The following NSUN6 variants were observed in gnomAD, a reference collection of about 807,000 sequenced individuals.
NSUN6 encodes NOP2/Sun RNA methyltransferase 6, also known as tRNA (cytosine(72)-C(5))-methyltransferase NSUN6.
NSUN6 carries 64 observed loss-of-function variants against 58.0 expected under a neutral mutation model. The ratio of observed to expected loss-of-function variants is 1.10; its 90% confidence interval spans 0.90 to 1.36. The LOEUF (loss-of-function observed/expected upper bound fraction) is 1.36. Among genes scored for constraint, NSUN6 ranks in the 40% most tolerant of loss-of-function variants. The pLI is 0.00. For synonymous variants in NSUN6, 231 were observed against 193.9 expected (o/e 1.19, Z -1.59); for missense variants, 701 against 550.1 (o/e 1.27, Z -2.74).
At chr10:18,600,349 T>G (rs764609552) in intron 6 of NSUN6, among the ~76,000 whole-genome samples, 26 of 152,126 alleles carry the variant, frequency 1.7e-4, no homozygotes, top group Non-Finnish European at 3.8e-4. Context: ...AAGAGGCCGG[T>G]TGTGGTGGCT....
At chr10:18,588,638 G>A (rs192364917) in intron 7 of NSUN6, among the ~76,000 whole-genome samples, 15 of 152,220 alleles carry the variant, frequency 9.9e-5, no homozygotes, top group African/African-American at 2.9e-4. Flanking sequence ...AGTCAAACAG[G>A]GTCTGGGGTG....
intron 3 of NSUN6, among the ~76,000 whole-genome samples, chr10:18,633,045 T>G (rs10829054): frequency 0.56 from 84,636 of 150,656 alleles, 24,351 homozygotes; most frequent in East Asian, 0.97. Flanking sequence ...AGAAAATGTG[T>G]CACATATACA....
At chr10:18,579,180 A>AT (rs1016104225) in intron 8 of NSUN6, among the ~76,000 whole-genome samples, 59 of 149,606 alleles carry the variant, frequency 3.9e-4, no homozygotes, top group African/African-American at 1.2e-3. Flanking sequence ...TTTTATTACT[A>AT]TTTTTTTTTT....
upstream of NSUN6, among the ~76,000 whole-genome samples, chr10:18,656,348 C>T (rs915778015): frequency 4.6e-5 from 7 of 152,142 alleles, no homozygotes; most frequent in African/African-American, 7.2e-5. Flanking sequence ...ACCAGCCTGA[C>T]CAACATGGTG....
intron 8 of NSUN6, among the ~76,000 whole-genome samples, chr10:18,572,527 C>A (rs968853810): frequency 3.5e-5 from 5 of 142,750 alleles, no homozygotes; most frequent in African/African-American, 1.3e-4. Context: ...ATCTCCATTC[C>A]CTATTCCATT....
In NSUN6 at chr10:18,642,765, A is replaced by G. The variant is rs190499606; in HGVS notation, c.232-210T>C. On this transcript the variant is annotated intron_variant, in intron 2 of 10. Transcript: ENST00000377304. ...AATTCTGAAGTATCCTAACTTCCTT[A>G]TAAGACTCAATTTTGCTTACTATTT... Among the ~76,000 whole-genome samples, 24 of 152,320 alleles carry G rather than the reference A, an allele frequency of 1.6e-4. 1 individual carries two copies. The East Asian group carries it at 3.7e-3, about 23-fold the overall frequency.
chr10:18,621,987 T>A (rs1369405247), intron 3 of NSUN6, among the ~76,000 whole-genome samples: 1 of 151,596 alleles, frequency 6.6e-6, no homozygotes, highest in Non-Finnish European at 1.5e-5. Flanking sequence ...ATTTCTTAAA[T>A]ATTCTATTGC....
intron 5 of NSUN6, 126 bp from the exon 6 acceptor site, chr10:18,610,052 G>T: frequency 1.5e-6 from 1 of 656,724 alleles, no homozygotes; most frequent in Non-Finnish European, 2.8e-6. Context: ...AACTATTTTG[G>T]CTCAAGCCTG....
At chr10:18,602,975 G>C (rs921245650) in intron 6 of NSUN6, among the ~76,000 whole-genome samples, 1 of 152,082 alleles carries the variant, frequency 6.6e-6, no homozygotes, top group African/African-American at 2.4e-5. Flanking sequence ...CTCTACATAA[G>C]TCCTAGCCTA....
intron 8 of NSUN6, among the ~76,000 whole-genome samples, chr10:18,555,002 T>C (rs1011696334): frequency 1.5e-4 from 22 of 144,190 alleles, no homozygotes; most frequent in African/African-American, 5.2e-4. Flanking sequence ...TAATGGAGAA[T>C]AGAATGGAAT....
At chr10:18,597,364 G>T (rs2057630969) in intron 6 of NSUN6, among the ~76,000 whole-genome samples, 1 of 152,166 alleles carries the variant, frequency 6.6e-6, no homozygotes, top group African/African-American at 2.4e-5. Context: ...TCATTATTTT[G>T]CTTAAGCTGG....
intron 8 of NSUN6, among the ~76,000 whole-genome samples, chr10:18,576,640 C>G (rs1320437811): frequency 1.3e-5 from 2 of 152,214 alleles, no homozygotes; most frequent in African/African-American, 2.4e-5. Flanking sequence ...CTTCCATCCC[C>G]CAACACTAAG....
At chr10:18,622,400 G>A (rs1425096734) in intron 3 of NSUN6, among the ~76,000 whole-genome samples, 2 of 152,158 alleles carry the variant, frequency 1.3e-5, no homozygotes, top group African/African-American at 4.8e-5. Flanking sequence ...GTACTGACAT[G>A]AGTGACAAGG....
chr10:18,572,346 A>C (rs11819185), intron 8 of NSUN6, among the ~76,000 whole-genome samples: 90,689 of 142,964 alleles, frequency 0.63, 28,263 homozygotes, highest in East Asian at 0.97. Flanking sequence ...CTCCATTCCA[A>C]TCCACATTCC....
chr10:18,642,962 T>C (rs2059432033), intron 2 of NSUN6, among the ~76,000 whole-genome samples: 1 of 152,116 alleles, frequency 6.6e-6, no homozygotes, highest in Non-Finnish European at 1.5e-5. Flanking sequence ...CTGGCATCCA[T>C]GTCAGCTTTG....
intron 3 of NSUN6, 122 bp downstream of exon 3, chr10:18,642,354 T>C (rs1232238952): frequency 3.3e-6 from 2 of 608,816 alleles, no homozygotes; most frequent in Non-Finnish European, 5.9e-6. Flanking sequence ...TTTGAATTCC[T>C]GTTATCTATA....
upstream of NSUN6, among the ~76,000 whole-genome samples, chr10:18,653,827 T>A (rs1299190631): frequency 6.6e-6 from 1 of 152,226 alleles, no homozygotes; most frequent in Non-Finnish European, 1.5e-5. Flanking sequence ...AAAACTACTC[T>A]ATGAATACAC....
At chr10:18,588,080 C>G (rs1313436576) in intron 7 of NSUN6, among the ~76,000 whole-genome samples, 1 of 152,148 alleles carries the variant, frequency 6.6e-6, no homozygotes, top group Non-Finnish European at 1.5e-5. Context: ...GATGACCGAG[C>G]TTGGTGGGCA....
intron 8 of NSUN6, among the ~76,000 whole-genome samples, chr10:18,568,760 C>T (rs1418031803): frequency 2.0e-5 from 3 of 151,208 alleles, no homozygotes; most frequent in African/African-American, 7.3e-5. Context: ...CAATACATTT[C>T]ACATTCCATT....
Sources: gnomAD v4.1 joint callset for allele counts (sites outside exome capture counted in the v4.1 genomes callset) on GRCh38, gnomAD v4.1.1 for gene constraint, MANE v1.5 for transcripts, NCBI Gene and HGNC (gene_info 2026-07-23, HGNC 2026-07-21) for gene names.